ANO10: variants seen among roughly 807,000 people sequenced by gnomAD.
ANO10 encodes anoctamin 10, also known as anoctamin-10.
In ANO10, 77 loss-of-function variants were observed where a neutral mutation model predicts 74.7. The ratio of observed to expected loss-of-function variants is 1.03; its 90% confidence interval spans 0.86 to 1.25. The LOEUF is 1.25. Among genes scored for constraint, ANO10 ranks in the 50% most tolerant of loss-of-function variants. The pLI is 0.00. For synonymous variants in ANO10, 279 were observed against 284.9 expected (o/e 0.98, Z 0.21); for missense variants, 721 against 778.1 (o/e 0.93, Z 0.87).
At chr3:43,440,222 G>A (rs1427852733) in intron 11 of ANO10, among the ~76,000 whole-genome samples, 1 of 152,022 alleles carries the variant, frequency 6.6e-6, no homozygotes, top group Non-Finnish European at 1.5e-5. Context: ...AAGTGTAAAT[G>A]GGTTAAACTC....
At chr3:43,491,760 C>A (rs1397346844) in intron 11 of ANO10, among the ~76,000 whole-genome samples, 1 of 151,890 alleles carries the variant, frequency 6.6e-6, no homozygotes, top group Non-Finnish European at 1.5e-5. Flanking sequence ...GGATTCACCA[C>A]CAGTAACAAA....
chr3:43,609,273 T>C (rs890040020), intron 1 of ANO10, among the ~76,000 whole-genome samples: 1 of 152,224 alleles, frequency 6.6e-6, no homozygotes, highest in Non-Finnish European at 1.5e-5. Flanking sequence ...AATGAAATCT[T>C]CATTTTGAAT....
intron 11 of ANO10, among the ~76,000 whole-genome samples, chr3:43,458,432 A>C (rs1304124881): frequency 6.6e-6 from 1 of 152,244 alleles, no homozygotes; most frequent in Non-Finnish European, 1.5e-5. Context: ...TTTTAAATTT[A>C]AGCTGAAATA....
chr3:43,395,859 C>G (rs192686884), intron 12 of ANO10, among the ~76,000 whole-genome samples: 1 of 151,744 alleles, frequency 6.6e-6, no homozygotes, highest in Non-Finnish European at 1.5e-5. Flanking sequence ...AAAGGCTGGA[C>G]GTAAATATTT....
At chr3:43,599,332 T>A (rs1249892032) in intron 3 of ANO10, among the ~76,000 whole-genome samples, 1 of 152,118 alleles carries the variant, frequency 6.6e-6, no homozygotes, top group African/African-American at 2.4e-5. Context: ...TGTTATCATA[T>A]CCACCCTGGC....
chr3:43,688,661 G>A (rs927011254), intron 1 of ANO10, among the ~76,000 whole-genome samples: 1 of 152,046 alleles, frequency 6.6e-6, no homozygotes, highest in Non-Finnish European at 1.5e-5. Context: ...TGGCCAACAT[G>A]GTGAAACCCC....
chr3:43,618,319 C>T (rs1024370237), intron 1 of ANO10, among the ~76,000 whole-genome samples: 1 of 152,190 alleles, frequency 6.6e-6, no homozygotes, highest in Non-Finnish European at 1.5e-5. Context: ...TTAGATGCTG[C>T]ACTAACCTCT....
At chr3:43,650,659 A>C (rs768221345) in intron 1 of ANO10, among the ~76,000 whole-genome samples, 2 of 152,210 alleles carry the variant, frequency 1.3e-5, no homozygotes, top group Non-Finnish European at 2.9e-5. Flanking sequence ...CACACATACA[A>C]GAATTAAAGT....
At chr3:43,433,234 G>A (rs1472077469) in intron 11 of ANO10, among the ~76,000 whole-genome samples, 1 of 151,914 alleles carries the variant, frequency 6.6e-6, no homozygotes, top group African/African-American at 2.4e-5. Context: ...GGTGTTGAGC[G>A]ACCACACCCA....
chr3:43,524,773 C>G (rs1427792247), intron 11 of ANO10, among the ~76,000 whole-genome samples: 1 of 152,120 alleles, frequency 6.6e-6, no homozygotes. Flanking sequence ...ACTGGCCCTC[C>G]TCCAGTACCC....
At chr3:43,613,841 T>C (rs985317602) in intron 1 of ANO10, among the ~76,000 whole-genome samples, 1 of 152,132 alleles carries the variant, frequency 6.6e-6, no homozygotes, top group South Asian at 2.1e-4. Flanking sequence ...CACCTTGCTT[T>C]TGAGGAGCCC....
At chr3:43,637,335 G>A (rs1263622752) in intron 1 of ANO10, among the ~76,000 whole-genome samples, 1 of 152,040 alleles carries the variant, frequency 6.6e-6, no homozygotes. Context: ...GGGCTTGGGG[G>A]CGCATGCCTG....
chr3:43,630,413 C>T (rs1182557231), intron 1 of ANO10, among the ~76,000 whole-genome samples: 1 of 151,928 alleles, frequency 6.6e-6, no homozygotes, highest in African/African-American at 2.4e-5. Flanking sequence ...AAAGACACAC[C>T]AGGCAAATAT....
intron 1 of ANO10, among the ~76,000 whole-genome samples, chr3:43,674,518 C>T (rs2084098040): frequency 6.6e-6 from 1 of 152,088 alleles, no homozygotes; most frequent in Admixed American, 6.5e-5. Context: ...AGTATAAAAA[C>T]CAACAAGTTA....
At chr3:43,590,943 G>T (rs985527759) in intron 4 of ANO10, among the ~76,000 whole-genome samples, 5 of 152,050 alleles carry the variant, frequency 3.3e-5, no homozygotes, top group African/African-American at 1.2e-4. Context: ...TAGTAAAGAG[G>T]GCTCACTAAA....
intron 11 of ANO10, among the ~76,000 whole-genome samples, chr3:43,433,077 A>T (rs1313569955): frequency 6.9e-6 from 1 of 145,522 alleles, no homozygotes; most frequent in African/African-American, 2.6e-5. Flanking sequence ...CTCCTGCCTC[A>T]GCCTCCCGAG....
At chr3:43,401,344 T>C (rs1399577135) in intron 12 of ANO10, among the ~76,000 whole-genome samples, 9 of 152,212 alleles carry the variant, frequency 5.9e-5, no homozygotes, top group Admixed American at 1.3e-4. Context: ...AAAAATTCCC[T>C]TGCAGGCTGA....
At chr3:43,646,008 A>T (rs1051820387) in intron 1 of ANO10, among the ~76,000 whole-genome samples, 8 of 152,058 alleles carry the variant, frequency 5.3e-5, no homozygotes, top group Non-Finnish European at 1.5e-5. Flanking sequence ...GGGTTTTGCC[A>T]TGTTGCCCAG....
chr3:43,402,943 T>A (rs751358651), intron 12 of ANO10, among the ~76,000 whole-genome samples: 1 of 152,220 alleles, frequency 6.6e-6, no homozygotes, highest in Non-Finnish European at 1.5e-5. Flanking sequence ...GGAAGCATCA[T>A]GCTGTGGCTG....
Sources: allele counts gnomAD v4.1 joint callset (sites outside exome capture counted in the v4.1 genomes callset), GRCh38; gene constraint gnomAD v4.1.1; transcripts MANE v1.5; gene names NCBI Gene and HGNC (gene_info 2026-07-23, HGNC 2026-07-21).